Variants in CFAP47 observed in about 807,000 individuals in gnomAD.
The protein encoded by CFAP47 is cilia and flagella associated protein 47.
Under a neutral mutation model 148.1 loss-of-function variants are expected in CFAP47, and 29 were observed. The observed-to-expected ratio is 0.20, with a 90% CI of 0.15 to 0.27. CFAP47 has a LOEUF of 0.27. Ranked by LOEUF, CFAP47 falls within the 10% of genes least tolerant of loss-of-function variation. The pLI, the probability that CFAP47 is intolerant of heterozygous loss-of-function variation, is 1.00. For missense variants in CFAP47, 1,872 were observed against 1,697.5 expected, an observed-to-expected ratio of 1.10 and a Z score of -1.81; for synonymous variants, 664 against 577.3, an observed-to-expected ratio of 1.15 and a Z score of -2.15.
chrX:36,379,094 G>T (rs782182484), intron 62 of CFAP47, among the ~76,000 whole-genome samples: 59 of 107,879 alleles, frequency 5.5e-4, no homozygotes, highest in Non-Finnish European at 5.9e-4. Flanking sequence ...TTATAGGCGT[G>T]AGCCACCACG....
intron 1 of CFAP47, among the ~76,000 whole-genome samples, chrX:35,924,235 A>T (rs1168933788): frequency 1.1e-5 from 1 of 90,561 alleles, no homozygotes; most frequent in Non-Finnish European, 2.1e-5. Flanking sequence ...GTATATATGG[A>T]CATGTATGTG....
intron 33 of CFAP47, among the ~76,000 whole-genome samples, chrX:36,112,670 C>A (rs1189396556): frequency 3.6e-5 from 4 of 111,343 alleles, no homozygotes; most frequent in Non-Finnish European, 7.5e-5. Context: ...AATCTTGTGT[C>A]TTGATGATCT....
chrX:36,188,572 G>T (rs1460226557), intron 40 of CFAP47, 48 bp from the exon 41 acceptor site: 4 of 296,206 alleles, frequency 1.4e-5, no homozygotes, highest in Non-Finnish European at 2.4e-5. Flanking sequence ...AATTGTTTTT[G>T]AGTTTTGTTT....
At chrX:36,253,970 G>A (rs1555998580) in intron 49 of CFAP47, among the ~76,000 whole-genome samples, 1 of 111,807 alleles carries the variant, frequency 8.9e-6, no homozygotes, top group African/African-American at 3.3e-5. Context: ...TCAGTATTGG[G>A]ATAAAGTTTT....
At chrX:36,068,550 C>A (rs1381342593) in intron 27 of CFAP47, among the ~76,000 whole-genome samples, 3 of 111,837 alleles carry the variant, frequency 2.7e-5, no homozygotes, top group Non-Finnish European at 5.6e-5. Context: ...ATATTCTGAA[C>A]ACCAAAAAAT....
At chrX:36,215,971 C>A (rs145947911) in intron 45 of CFAP47, among the ~76,000 whole-genome samples, 1 of 111,608 alleles carries the variant, frequency 9.0e-6, no homozygotes, top group African/African-American at 3.3e-5. Flanking sequence ...CTCTCTTAAC[C>A]ATGTTAATTA....
At chrX:36,265,300 C>T (rs1940877688) in intron 49 of CFAP47, among the ~76,000 whole-genome samples, 1 of 111,847 alleles carries the variant, frequency 8.9e-6, no homozygotes. Context: ...GTTCTGGAAG[C>T]CTTCTGGTGG....
rs782372472 is a variant in CFAP47, at chrX:36,310,862, A to T, written c.8217A>T (p.Gly2739=). 6.3e-5 allele frequency: 72 copies of T among 1,149,449 alleles called. 1 individual carries two copies. In the South Asian group the frequency reaches 1.4e-3, roughly 22 times the overall value. 94.7% of individuals were successfully genotyped at this position (1,149,449 alleles called of 1,213,427 possible). Residue 2739 remains glycine, a synonymous_variant, in exon 56 of 64, where the codon GGA becomes GGT. Coordinates refer to ENST00000378653, the MANE Select transcript of CFAP47 (RefSeq NM_001304548.2). Reference sequence around the variant, plus strand: ...CAGAATGGAAATTCTACTTATCTGGAGTAGGACTATTTCCCCAGCCTCTAG... The same window carrying T: ...CAGAATGGAAATTCTACTTATCTGGTGTAGGACTATTTCCCCAGCCTCTAG... ...QFTEWKFYLS[G]VGLFPQPLDT...
intron 22 of CFAP47, among the ~76,000 whole-genome samples, chrX:36,029,747 C>T (rs1434327909): frequency 9.1e-6 from 1 of 109,414 alleles, no homozygotes; most frequent in East Asian, 2.9e-4. Flanking sequence ...TATATATATG[C>T]GTATATATAT....
At chrX:36,172,073 G>A (rs967153450) in intron 39 of CFAP47, among the ~76,000 whole-genome samples, 13 of 109,027 alleles carry the variant, frequency 1.2e-4, no homozygotes. Context: ...GTGAATGGGA[G>A]TTCACTCATG....
chrX:36,183,207 T>A (rs1939770263), intron 40 of CFAP47, among the ~76,000 whole-genome samples: 1 of 110,561 alleles, frequency 9.0e-6, no homozygotes, highest in Non-Finnish European at 1.9e-5. Context: ...TCATCTCAGC[T>A]ACTTGGTAGG....
intron 57 of CFAP47, among the ~76,000 whole-genome samples, chrX:36,332,119 C>T (rs1204279160): frequency 1.8e-5 from 2 of 111,400 alleles, no homozygotes; most frequent in Non-Finnish European, 3.8e-5. Flanking sequence ...ATATTATATT[C>T]AACCAGTAAG....
intron 58 of CFAP47, among the ~76,000 whole-genome samples, chrX:36,349,203 T>C (rs1362355505): frequency 8.9e-6 from 1 of 112,025 alleles, no homozygotes; most frequent in Non-Finnish European, 1.9e-5. Flanking sequence ...GCCTGCAATG[T>C]CTTGTCTTTC....
Position 36,361,027 on chromosome X carries a change from A to G in CFAP47, c.8852-303A>G, listed in dbSNP as rs782605858. Among the ~76,000 whole-genome samples the G allele has an allele frequency of 8.0e-5, 9 of 112,032 alleles. No homozygotes were observed. The East Asian group carries it at 2.5e-3, about 31-fold the overall frequency. Reference sequence around the variant, plus strand: ...TATTTTCATTAGGCAGTTAATGATTATTAATTTCCATGTGGCCTTTCTTGT... The same window carrying G: ...TATTTTCATTAGGCAGTTAATGATTGTTAATTTCCATGTGGCCTTTCTTGT... On this transcript the variant is annotated intron_variant, in intron 60 of 63. Transcript: ENST00000378653.
chrX:36,147,129 A>T (rs773316358), intron 36 of CFAP47, among the ~76,000 whole-genome samples: 1 of 112,328 alleles, frequency 8.9e-6, no homozygotes, highest in South Asian at 3.7e-4. Context: ...GTGGTCAGTG[A>T]AAAAACATAG....
chrX:35,926,857 G>A (rs1474153029), intron 2 of CFAP47, among the ~76,000 whole-genome samples: 1 of 110,636 alleles, frequency 9.0e-6, no homozygotes, highest in African/African-American at 3.3e-5. Context: ...TTCTATTCAG[G>A]CTGGGTGCAG....
intron 49 of CFAP47, among the ~76,000 whole-genome samples, chrX:36,279,164 T>A (rs974050297): frequency 4.5e-5 from 5 of 112,151 alleles, no homozygotes; most frequent in African/African-American, 1.6e-4. Flanking sequence ...CCAGGAATAA[T>A]AAGAACATAA....
chrX:36,359,235 G>A (rs1289680513), intron 60 of CFAP47, among the ~76,000 whole-genome samples: 1 of 111,561 alleles, frequency 9.0e-6, no homozygotes, highest in African/African-American at 3.3e-5. Context: ...AAGTTTCCCC[G>A]AGGTAAAAAT....
chrX:36,219,969 A>C (rs1940197154), intron 45 of CFAP47, among the ~76,000 whole-genome samples: 1 of 111,461 alleles, frequency 9.0e-6, no homozygotes, highest in Non-Finnish European at 1.9e-5. Context: ...AAATTAACTG[A>C]GACCTGTCTC....
Sources: gnomAD v4.1 joint callset for allele counts (sites outside exome capture counted in the v4.1 genomes callset) on GRCh38, gnomAD v4.1.1 for gene constraint, MANE v1.5 for transcripts, NCBI Gene and HGNC (gene_info 2026-07-23, HGNC 2026-07-21) for gene names.